METTL8: variants seen among roughly 807,000 people sequenced by gnomAD.
METTL8 encodes methyltransferase 8, tRNA N3-cytidine, also known as tRNA N(3)-cytidine methyltransferase METTL8, mitochondrial.
METTL8 carries 32 observed loss-of-function variants against 48.7 expected under a neutral mutation model. The ratio of observed to expected loss-of-function variants is 0.66; its 90% CI spans 0.50 to 0.88. The LOEUF (loss-of-function observed/expected upper bound fraction) is 0.88, where lower values mean the gene tolerates loss of function less well. Ranked by LOEUF, METTL8 falls within the 40% of genes least tolerant of loss-of-function variation. METTL8 has a pLI of 0.00. For missense variants in METTL8, 464 were observed against 474.4 expected, an observed-to-expected ratio of 0.98 and a Z score of 0.20; for synonymous variants, 136 against 157.1, an observed-to-expected ratio of 0.87 and a Z score of 1.01.
chr2:171,348,278 T>A (rs1378105200), intron 3 of METTL8, among the ~76,000 whole-genome samples: 19 of 152,162 alleles, frequency 1.2e-4, no homozygotes. Flanking sequence ...GAAACCTTTT[T>A]CTGTAATGGG....
chr2:171,405,948 C>T (rs529561245), intron 1 of METTL8, among the ~76,000 whole-genome samples: 1 of 152,274 alleles, frequency 6.6e-6, no homozygotes, highest in African/African-American at 2.4e-5. Context: ...GGAAAGGACA[C>T]TAACAACATT....
intron 1 of METTL8, among the ~76,000 whole-genome samples, chr2:171,392,745 A>G (rs1335802823): frequency 6.6e-6 from 1 of 152,164 alleles, no homozygotes; most frequent in South Asian, 2.1e-4. Flanking sequence ...ACAATCCTGT[A>G]TACATATATT....
Position 171,330,691 on chromosome 2 carries a change from G to A in METTL8, c.728C>T (p.Ser243Leu), listed in dbSNP as rs142842112. The A allele has an allele frequency of 2.4e-5, 39 of 1,608,098 alleles. No individual in the cohort carries two copies. The African/African-American group carries it at 2.8e-4, about 12-fold the overall frequency. Residue 243 changes from serine (S) to leucine (L), a missense_variant, in exon 7 of 10, where the codon TCG (serine) becomes TTG (leucine). By Grantham distance (145) the Ser-to-Leu change is moderately radical (BLOSUM62 -2). Coordinates refer to ENST00000375258, the MANE Select transcript of METTL8 (RefSeq NM_001321154.2). Reference protein sequence around the residue: ...SGAVELVKSHSSYRATQCFAF... With the variant: ...SGAVELVKSHLSYRATQCFAF... ...AAAACACTGGGTTGCTCTGTAGGACGAGTGTGACTGTCATGATAAAGGAAC... is the reference window on the plus strand; with the variant it reads ...AAAACACTGGGTTGCTCTGTAGGACAAGTGTGACTGTCATGATAAAGGAAC...
At chr2:171,418,796 A>C (rs1691582189) in intron 1 of METTL8, among the ~76,000 whole-genome samples, 1 of 152,172 alleles carries the variant, frequency 6.6e-6, no homozygotes, top group Admixed American at 6.5e-5. Context: ...TCTACCAAAA[A>C]TACAAAAAAT....
intron 5 of METTL8, among the ~76,000 whole-genome samples, chr2:171,333,612 T>C (rs989877587): frequency 6.6e-6 from 1 of 152,214 alleles, no homozygotes; most frequent in Non-Finnish European, 1.5e-5. Flanking sequence ...AACATAAAAA[T>C]AGCACTTTAC....
intron 3 of METTL8, among the ~76,000 whole-genome samples, chr2:171,349,959 T>A (rs1338141148): frequency 6.6e-6 from 1 of 152,138 alleles, no homozygotes; most frequent in Non-Finnish European, 1.5e-5. Flanking sequence ...TAAATATTTG[T>A]CTTTTCTTTT....
intron 2 of METTL8, among the ~76,000 whole-genome samples, chr2:171,379,595 CA>C (rs1687314363): frequency 6.6e-6 from 1 of 152,122 alleles, no homozygotes; most frequent in Non-Finnish European, 1.5e-5. Flanking sequence ...CACGGAAATA[CA>C]AACTACCATC....
chr2:171,323,465 C>T lies in METTL8; in HGVS notation c.*707G>A, dbSNP rs1374960000. On this transcript the variant is annotated 3_prime_UTR_variant, in exon 10 of 10. Transcript: ENST00000375258. ...TCCAGGCTGGTCTTGAACTCCTGAG[C>T]TCAACCGATCTGCCTGCCTCAGCCC... 1.3e-5 allele frequency: 2 copies of T among 152,324 alleles called. No homozygotes were observed. Among genetic ancestry groups the T allele is most frequent in the Non-Finnish European group, 1.5e-5 (1 of 68,274 alleles). The allele number at this position is 152,324 out of a possible 1,614,324, so 9.4% of individuals were successfully genotyped here.
chr2:171,416,108 T>C (rs528925483), intron 1 of METTL8, among the ~76,000 whole-genome samples: 1 of 152,378 alleles, frequency 6.6e-6, no homozygotes, highest in East Asian at 1.9e-4. Context: ...CTGCTCTCTC[T>C]TTCCATTTGA....
chr2:171,431,587 G>A (rs1372274656), intron 1 of METTL8, among the ~76,000 whole-genome samples: 1 of 152,170 alleles, frequency 6.6e-6, no homozygotes, highest in Non-Finnish European at 1.5e-5. Context: ...CCCTCCGATT[G>A]TTAGTGTAAT....
chr2:171,328,454 TG>T (rs1395206371), intron 7 of METTL8, among the ~76,000 whole-genome samples: 3 of 152,186 alleles, frequency 2.0e-5, no homozygotes, highest in African/African-American at 4.8e-5. Context: ...AGAACTTTTC[TG>T]GGGTTGAATC....
At chr2:171,400,343 T>C (rs988555473) in intron 1 of METTL8, among the ~76,000 whole-genome samples, 1 of 152,196 alleles carries the variant, frequency 6.6e-6, no homozygotes, top group Non-Finnish European at 1.5e-5. Flanking sequence ...ATTTGCCTTC[T>C]ACTTTTGTAC....
chr2:171,361,143 A>G (rs899312385), intron 2 of METTL8, among the ~76,000 whole-genome samples: 6 of 152,086 alleles, frequency 3.9e-5, no homozygotes, highest in African/African-American at 1.4e-4. Context: ...GACTCTCCCT[A>G]TATGAGAAGA....
At chr2:171,374,224 A>G (rs1236969387) in intron 2 of METTL8, among the ~76,000 whole-genome samples, 2 of 152,086 alleles carry the variant, frequency 1.3e-5, no homozygotes, top group Non-Finnish European at 2.9e-5. Context: ...TGTGAATGGG[A>G]GTTTACTCAT....
chr2:171,394,453 G>T (rs1009207955), intron 1 of METTL8, among the ~76,000 whole-genome samples: 2 of 152,020 alleles, frequency 1.3e-5, no homozygotes, highest in Admixed American at 6.6e-5. Flanking sequence ...TGTAGACAGA[G>T]ACAAAAAGAT....
intron 2 of METTL8, among the ~76,000 whole-genome samples, chr2:171,369,266 A>T (rs1009314152): frequency 1.1e-4 from 17 of 152,234 alleles, no homozygotes; most frequent in African/African-American, 3.1e-4. Flanking sequence ...AGATCGCGCC[A>T]CTGTACTCCA....
rs78361552 is a variant in METTL8 at position 171,347,227 on chromosome 2, C to T, written c.236-7673G>A. 1.9e-3 allele frequency among the ~76,000 whole-genome samples: 289 copies of T among 152,296 alleles called. 7 individuals are homozygous for T. The East Asian group carries it at 0.029, about 15-fold the overall frequency. The stretch of plus-strand genomic sequence containing the variant: ...CTTGCACAGAAAGAGACTGGACATA[C>T]TAATAAGCAAATCAAATGCTTCAAA... On this transcript the variant is annotated intron_variant, in intron 3 of 9. Transcript: ENST00000375258.
intron 2 of METTL8, among the ~76,000 whole-genome samples, chr2:171,364,106 C>T (rs542229750): frequency 1.8e-4 from 28 of 152,044 alleles, no homozygotes; most frequent in Middle Eastern, 3.4e-3. Context: ...AGCCACTGCG[C>T]GCCCGGCCAA....
intron 2 of METTL8, among the ~76,000 whole-genome samples, chr2:171,373,295 T>A (rs558377768): frequency 2.6e-5 from 4 of 152,278 alleles, no homozygotes; most frequent in African/African-American, 9.6e-5. Flanking sequence ...TTGAGAAGAG[T>A]CTGTTCATAT....
Sources: allele counts gnomAD v4.1 joint callset (sites outside exome capture counted in the v4.1 genomes callset), GRCh38; gene constraint gnomAD v4.1.1; transcripts MANE v1.5; gene names NCBI Gene and HGNC (gene_info 2026-07-23, HGNC 2026-07-21).